Variants in PLXNA4 observed in about 807,000 individuals in gnomAD.
PLXNA4 encodes plexin-A4.
Under a neutral mutation model 191.8 loss-of-function variants are expected in PLXNA4, and 44 were observed. The ratio of observed to expected loss-of-function variants is 0.23; its 90% CI spans 0.18 to 0.29. The LOEUF (loss-of-function observed/expected upper bound fraction) is 0.29. Among genes scored for constraint, PLXNA4 ranks in the 10% least tolerant of loss-of-function variants. The probability of loss-of-function intolerance (pLI) is 1.00; values close to 1 mark genes in which losing one functional copy is unlikely to be tolerated. For synonymous variants in PLXNA4, 1,082 were observed against 1,009.5 expected, an observed-to-expected ratio of 1.07 and a Z score of -1.36; for missense variants, 1,800 against 2,488.8, an observed-to-expected ratio of 0.72 and a Z score of 5.89.
intron 2 of PLXNA4, among the ~76,000 whole-genome samples, chr7:132,612,842 AT>A (rs1702483532): frequency 6.6e-6 from 1 of 152,122 alleles, no homozygotes; most frequent in Non-Finnish European, 1.5e-5. Context: ...GCATCGCCCA[AT>A]GTCTCATGGA....
intron 3 of PLXNA4, among the ~76,000 whole-genome samples, chr7:132,452,518 A>C (rs1156900967): frequency 6.6e-6 from 1 of 152,214 alleles, no homozygotes; most frequent in African/African-American, 2.4e-5. Flanking sequence ...CAGTGTTTCT[A>C]GTCTCGCATC....
chr7:132,418,226 C>T (rs745332164), intron 3 of PLXNA4, among the ~76,000 whole-genome samples: 30 of 152,160 alleles, frequency 2.0e-4, no homozygotes, highest in Admixed American at 1.4e-3. Flanking sequence ...GTGACCTGAA[C>T]TCAGGAAAGG....
intron 3 of PLXNA4, among the ~76,000 whole-genome samples, chr7:132,374,916 C>T (rs1308656927): frequency 9.2e-5 from 14 of 152,236 alleles, no homozygotes; most frequent in African/African-American, 3.4e-4. Context: ...ACCCTGTCTG[C>T]TGTGGGACAA....
intron 3 of PLXNA4, among the ~76,000 whole-genome samples, chr7:132,414,255 G>T (rs1019759150): frequency 6.6e-6 from 1 of 152,198 alleles, no homozygotes; most frequent in Non-Finnish European, 1.5e-5. Flanking sequence ...CAGCTGGAGG[G>T]CTTGCCAGCT....
chr7:132,475,606 C>T (rs185094198), intron 3 of PLXNA4, among the ~76,000 whole-genome samples: 1 of 152,126 alleles, frequency 6.6e-6, no homozygotes, highest in Non-Finnish European at 1.5e-5. Flanking sequence ...TTCCCCTGAC[C>T]CAACTCCCTC....
chr7:132,430,898 C>T (rs1187822617), intron 3 of PLXNA4, among the ~76,000 whole-genome samples: 1 of 152,176 alleles, frequency 6.6e-6, no homozygotes, highest in Non-Finnish European at 1.5e-5. Flanking sequence ...GAGCAGCAGC[C>T]TCGGCCACAC....
intron 4 of PLXNA4, among the ~76,000 whole-genome samples, chr7:132,282,230 A>T (rs915441282): frequency 9.9e-5 from 15 of 152,146 alleles, no homozygotes; most frequent in Admixed American, 9.2e-4. Context: ...TATACATGTG[A>T]CATGCTGGTG....
intron 4 of PLXNA4, among the ~76,000 whole-genome samples, chr7:132,297,489 G>T (rs1182731478): frequency 1.3e-5 from 2 of 152,064 alleles, no homozygotes; most frequent in Non-Finnish European, 2.9e-5. Context: ...CCAAGCCCAG[G>T]TTTTCTACTT....
intron 3 of PLXNA4, among the ~76,000 whole-genome samples, chr7:132,476,216 A>G (rs982523177): frequency 3.3e-5 from 5 of 152,182 alleles, no homozygotes; most frequent in Admixed American, 6.5e-5. Flanking sequence ...AGACAGAATC[A>G]AAGTGCCCCT....
chr7:132,572,429 A>G (rs1802018458), intron 1 of PLXNA4, among the ~76,000 whole-genome samples: 1 of 152,220 alleles, frequency 6.6e-6, no homozygotes, highest in Admixed American at 6.5e-5. Context: ...ACATCCTCAC[A>G]GCCTCTTCCT....
In PLXNA4 at chr7:132,248,015, A is replaced by T. The variant is rs185809973; in HGVS notation, c.1504-6849T>A. The stretch of plus-strand genomic sequence containing the variant: ...TCTCCACCCCTATGGCCTCATGGTG[A>T]ATAGACAAGTGGTGTGTACTTCCCC... On this transcript the variant is annotated intron_variant, in intron 4 of 31. Transcript: ENST00000321063. 1.3e-3 allele frequency among the ~76,000 whole-genome samples: 205 copies of T among 152,322 alleles called. 1 individual carries two copies. Among genetic ancestry groups the T allele is most frequent in the African/African-American group, 4.8e-3 (201 of 41,572 alleles).
At chr7:132,494,156 T>C (rs972098895) in intron 2 of PLXNA4, among the ~76,000 whole-genome samples, 1 of 152,172 alleles carries the variant, frequency 6.6e-6, no homozygotes, top group Non-Finnish European at 1.5e-5. Flanking sequence ...AGAGGTATCA[T>C]GAAAATTAAA....
At chr7:132,481,509 C>A (rs1221698259) in intron 3 of PLXNA4, among the ~76,000 whole-genome samples, 1 of 151,486 alleles carries the variant, frequency 6.6e-6, no homozygotes, top group Non-Finnish European at 1.5e-5. Context: ...AACATTTACC[C>A]CACCCCCAAA....
At chr7:132,505,470 A>G (rs1374982924) in intron 2 of PLXNA4, among the ~76,000 whole-genome samples, 2 of 132,672 alleles carry the variant, frequency 1.5e-5, no homozygotes, top group East Asian at 2.6e-4. Flanking sequence ...TCTGGTCTCA[A>G]AAGAACTTGT....
intron 4 of PLXNA4, among the ~76,000 whole-genome samples, chr7:132,253,232 C>CTTTTTTTTTTT (rs56010775): frequency 1.5e-5 from 2 of 134,448 alleles, no homozygotes; most frequent in African/African-American, 5.5e-5. Context: ...TTTCTTTTTT[C>CTTTTTTTTTTT]TTTTTTTTTT....
intron 1 of PLXNA4, among the ~76,000 whole-genome samples, chr7:132,520,686 C>A (rs957517049): frequency 1.3e-5 from 2 of 152,146 alleles, no homozygotes; most frequent in Non-Finnish European, 1.5e-5. Flanking sequence ...AAAACCAAGC[C>A]GAGAGTCCAT....
At chr7:132,567,556 AT>A in intron 1 of PLXNA4, among the ~76,000 whole-genome samples, 1 of 152,250 alleles carries the variant, frequency 6.6e-6, no homozygotes, top group East Asian at 1.9e-4. Context: ...AACCCACCAT[AT>A]TAGTCTGGTT....
intron 25 of PLXNA4, among the ~76,000 whole-genome samples, chr7:132,156,880 C>G (rs932336421): frequency 6.6e-6 from 1 of 152,164 alleles, no homozygotes; most frequent in Non-Finnish European, 1.5e-5. Flanking sequence ...TAAGAAGAAG[C>G]CTAGAGCTTT....
intron 13 of PLXNA4, among the ~76,000 whole-genome samples, chr7:132,197,856 G>A (rs1267151488): frequency 6.6e-6 from 1 of 152,152 alleles, no homozygotes; most frequent in Non-Finnish European, 1.5e-5. Context: ...CAACAAAGAT[G>A]GTATGGAATA....
Sources: gnomAD v4.1 joint callset for allele counts (sites outside exome capture counted in the v4.1 genomes callset) on GRCh38, gnomAD v4.1.1 for gene constraint, MANE v1.5 for transcripts, NCBI Gene and HGNC (gene_info 2026-07-23, HGNC 2026-07-21) for gene names.